Variants in MCF2L observed in about 807,000 individuals in gnomAD.
The protein encoded by MCF2L is MCF.2 cell line derived transforming sequence like.
Under a neutral mutation model 153.4 loss-of-function variants are expected in MCF2L, and 97 were observed. The observed-to-expected ratio is 0.63, with a 90% CI of 0.54 to 0.75. The LOEUF (loss-of-function observed/expected upper bound fraction) is 0.75. Ranked by LOEUF, MCF2L falls within the 30% of genes least tolerant of loss-of-function variation. The probability of loss-of-function intolerance (pLI) is 0.00; values close to 1 mark genes in which losing one functional copy is unlikely to be tolerated. For synonymous variants in MCF2L, 659 were observed against 632.2 expected, an observed-to-expected ratio of 1.04 and a Z score of -0.64; for missense variants, 1,347 against 1,495.2, an observed-to-expected ratio of 0.90 and a Z score of 1.64.
At chr13:112,923,257 C>CTTTTTTTTTTTTT (rs57030206) in intron 2 of MCF2L, among the ~76,000 whole-genome samples, 2 of 78,444 alleles carry the variant, frequency 2.5e-5, no homozygotes, top group African/African-American at 5.2e-5. Flanking sequence ...GTGTTTGCTT[C>CTTTTTTTTTTTTT]TTTTTTTTTT....
chr13:113,001,027 G>C (rs2083348255), intron 1 of MCF2L, among the ~76,000 whole-genome samples: 1 of 133,120 alleles, frequency 7.5e-6, no homozygotes, highest in Non-Finnish European at 1.7e-5. Flanking sequence ...TCTGGGCCTG[G>C]ACAAATGGTC....
At chr13:113,049,312 C>A (rs1404731220) in intron 4 of MCF2L, among the ~76,000 whole-genome samples, 1 of 145,742 alleles carries the variant, frequency 6.9e-6, no homozygotes, top group Non-Finnish European at 1.5e-5. Flanking sequence ...CCTGGGCAGA[C>A]CAGGAGGGGT....
chr13:112,975,876 C>T (rs575148416), intron 1 of MCF2L, among the ~76,000 whole-genome samples: 59 of 152,234 alleles, frequency 3.9e-4, no homozygotes, highest in African/African-American at 1.4e-3. Context: ...AGCTCGAGCC[C>T]GGGCTTCAGC....
intron 27 of MCF2L, 197 bp downstream of exon 27, chr13:113,094,832 T>G: frequency 9.3e-7 from 1 of 1,070,552 alleles, no homozygotes; most frequent in South Asian, 1.4e-5. Context: ...CACCCAGACC[T>G]GGGTCTTGGG....
chr13:112,977,935 G>C (rs2082269329), intron 1 of MCF2L, among the ~76,000 whole-genome samples: 1 of 152,210 alleles, frequency 6.6e-6, no homozygotes, highest in African/African-American at 2.4e-5. Flanking sequence ...TTAGCCGGGT[G>C]TGGTGGCGGG....
intron 4 of MCF2L, among the ~76,000 whole-genome samples, chr13:113,049,999 G>A (rs1566801113): frequency 6.6e-6 from 1 of 152,080 alleles, no homozygotes; most frequent in Non-Finnish European, 1.5e-5. Flanking sequence ...GAGAAGGATA[G>A]GTTCACAGCT....
rs137953632 is a variant in MCF2L at position 112,960,253 on chromosome 13, G to T, written c.170-54510G>T. Among the ~76,000 whole-genome samples, 1 of 152,164 alleles carries T rather than the reference G, an allele frequency of 6.6e-6. No homozygotes were observed. The highest frequency in any genetic ancestry group is 6.5e-5 in the Admixed American group (1 of 15,290). On this transcript the variant is annotated intron_variant, in intron 2 of 29. Coordinates refer to the MCF2L transcript ENST00000375608. The surrounding 1 kb of genome is among the most constrained non-coding windows in gnomAD (Gnocchi z 4.2). The stretch of plus-strand genomic sequence containing the variant: ...CCTGAGCTGCGTCTTTCCAAGAGAC[G>T]GCCTCACCCGGTGAGAGAGCGGAGA...
intron 1 of MCF2L, among the ~76,000 whole-genome samples, chr13:113,013,079 G>T (rs943733224): frequency 1.3e-5 from 2 of 152,130 alleles, no homozygotes; most frequent in African/African-American, 4.8e-5. Flanking sequence ...GGTCACAGTC[G>T]CTCCTGGTGA....
At chr13:113,078,545 C>A in intron 14 of MCF2L, 109 bp downstream of exon 14, 1 of 1,379,732 alleles carries the variant, frequency 7.2e-7, no homozygotes, top group Non-Finnish European at 1.0e-6. Flanking sequence ...GCTACCTGGC[C>A]AGCTCCCCAT....
At chr13:113,044,828 C>T (rs368276180) in intron 3 of MCF2L, 24 of 1,612,830 alleles carry the variant, frequency 1.5e-5, no homozygotes, top group African/African-American at 2.7e-5. Flanking sequence ...AGCCATGCCA[C>T]CACGAGTGAA....
chr13:113,060,825 C>A, intron 5 of MCF2L, 113 bp downstream of exon 5: 1 of 1,423,312 alleles, frequency 7.0e-7, no homozygotes, highest in Non-Finnish European at 9.5e-7. Flanking sequence ...ACACGGTCAA[C>A]AAAACCCCGC....
At chr13:112,991,486 A>G (rs2082898106) in intron 1 of MCF2L, among the ~76,000 whole-genome samples, 1 of 152,224 alleles carries the variant, frequency 6.6e-6, no homozygotes, top group South Asian at 2.1e-4. Flanking sequence ...TTATCCAGTT[A>G]CAGTACTCAT....
At chr13:112,974,275 C>G (rs933273618) in intron 1 of MCF2L, among the ~76,000 whole-genome samples, 1 of 152,196 alleles carries the variant, frequency 6.6e-6, no homozygotes, top group South Asian at 2.1e-4. Flanking sequence ...GCATGGCTAA[C>G]CTCTGAGTCT....
At chr13:112,994,307 C>T in intron 1 of MCF2L, among the ~76,000 whole-genome samples, 1 of 151,568 alleles carries the variant, frequency 6.6e-6, no homozygotes, top group South Asian at 2.1e-4. Flanking sequence ...GCGTGGGACG[C>T]CAAGCTGACG....
intron 26 of MCF2L, 99 bp from the exon 27 acceptor site, chr13:113,094,415 A>G: frequency 7.5e-7 from 1 of 1,332,164 alleles, no homozygotes; most frequent in South Asian, 1.5e-5. Context: ...CACGGCACAC[A>G]TTTCAGGGGG....
chr13:112,920,453 G>C (rs1034999223), intron 2 of MCF2L, among the ~76,000 whole-genome samples: 1 of 152,136 alleles, frequency 6.6e-6, no homozygotes. Flanking sequence ...GAGCTGAGCT[G>C]AGTTCCTGAG....
At chr13:112,980,516 C>T (rs1007870017) in intron 1 of MCF2L, among the ~76,000 whole-genome samples, 12 of 152,132 alleles carry the variant, frequency 7.9e-5, no homozygotes, top group Non-Finnish European at 7.4e-5. Context: ...GGCAGGTGGG[C>T]GTCAGGGAGA....
chr13:113,051,429 G>T (rs749697420), intron 4 of MCF2L, among the ~76,000 whole-genome samples: 5 of 152,164 alleles, frequency 3.3e-5, no homozygotes, highest in Non-Finnish European at 7.4e-5. Context: ...CGCTGAGAGC[G>T]TCTATTTAAA....
chr13:112,981,149 C>T (rs1171018894), intron 1 of MCF2L, among the ~76,000 whole-genome samples: 1 of 151,934 alleles, frequency 6.6e-6, no homozygotes, highest in Non-Finnish European at 1.5e-5. Flanking sequence ...CACTGGAGAC[C>T]CTGACATGTC....
Sources: gnomAD v4.1 joint callset for allele counts (sites outside exome capture counted in the v4.1 genomes callset) on GRCh38, gnomAD v4.1.1 for gene constraint, Gnocchi (gnomAD v3.1) non-coding constraint, MANE v1.5 for transcripts, NCBI Gene and HGNC (gene_info 2026-07-23, HGNC 2026-07-21) for gene names.